FRMPD4: variants seen among roughly 807,000 people sequenced by gnomAD.
FRMPD4 encodes FERM and PDZ domain-containing protein 4.
Under a neutral mutation model 94.1 loss-of-function variants are expected in FRMPD4, and 22 were observed. The observed-to-expected ratio is 0.23, with a 90% CI of 0.17 to 0.33. The LOEUF (loss-of-function observed/expected upper bound fraction) is 0.33, where lower values mean the gene tolerates loss of function less well. FRMPD4 is among the 10% of genes least tolerant of loss of function. The probability of loss-of-function intolerance (pLI) is 1.00; values close to 1 mark genes in which losing one functional copy is unlikely to be tolerated. For missense variants in FRMPD4, 1,111 were observed against 1,339.9 expected, an observed-to-expected ratio of 0.83 and a Z score of 2.67; for synonymous variants, 631 against 548.6, an observed-to-expected ratio of 1.15 and a Z score of -2.10.
intron 3 of FRMPD4, among the ~76,000 whole-genome samples, chrX:11,902,679 G>C (rs1273368086): frequency 1.8e-5 from 2 of 111,273 alleles, no homozygotes; most frequent in Non-Finnish European, 3.8e-5. Flanking sequence ...ATTTGTCAAA[G>C]AACTCTCACT....
intron 3 of FRMPD4, among the ~76,000 whole-genome samples, chrX:11,986,661 A>G (rs769784259): frequency 1.8e-5 from 2 of 111,706 alleles, no homozygotes; most frequent in South Asian, 3.8e-4. Flanking sequence ...GATAAGTACA[A>G]TTGACAAACT....
chrX:12,121,671 C>A (rs929640785), intron 3 of FRMPD4, among the ~76,000 whole-genome samples: 8 of 111,676 alleles, frequency 7.2e-5, no homozygotes, highest in African/African-American at 2.6e-4. Context: ...GGATCACTCT[C>A]AAACTGACAC....
intron 3 of FRMPD4, among the ~76,000 whole-genome samples, chrX:12,024,270 C>T (rs186771665): frequency 6.9e-4 from 77 of 111,879 alleles, no homozygotes; most frequent in Middle Eastern, 9.2e-3. Context: ...ATGAATGTGT[C>T]ATGCATATAT....
intron 1 of FRMPD4, among the ~76,000 whole-genome samples, chrX:12,370,769 C>T (rs2056151765): frequency 8.9e-6 from 1 of 112,552 alleles, no homozygotes; most frequent in African/African-American, 3.2e-5. Context: ...TTTGTAAAAA[C>T]TGCTAGAACC....
chrX:12,035,768 A>G (rs2147437675), intron 3 of FRMPD4, among the ~76,000 whole-genome samples: 1 of 111,602 alleles, frequency 9.0e-6, no homozygotes, highest in African/African-American at 3.3e-5. Context: ...ACAAACCACA[A>G]GCCTCACGTT....
At chrX:12,179,628 T>A (rs1169174029) in intron 1 of FRMPD4, among the ~76,000 whole-genome samples, 1 of 111,526 alleles carries the variant, frequency 9.0e-6, no homozygotes, top group African/African-American at 3.3e-5. Context: ...GTGGGAGAAC[T>A]GGGCTTCATG....
chrX:12,274,837 G>A (rs1254469686), intron 1 of FRMPD4, among the ~76,000 whole-genome samples: 1 of 111,867 alleles, frequency 8.9e-6, no homozygotes, highest in Non-Finnish European at 1.9e-5. Flanking sequence ...GTGAAACCCC[G>A]TCTCTACTAA....
At chrX:12,057,821 CATACTTTGCT>C (rs1158615479) in intron 3 of FRMPD4, among the ~76,000 whole-genome samples, 1 of 111,816 alleles carries the variant, frequency 8.9e-6, no homozygotes, top group African/African-American at 3.2e-5. Flanking sequence ...TATCCATTCC[CATACTTTGCT>C]ATTATATAGA....
At position 12,224,935 on chromosome X, in the gene FRMPD4, T is replaced by C. The variant is rs1048424314; in HGVS notation, c.41+85923T>C. On this transcript the variant is annotated intron_variant, in intron 1 of 16. Coordinates refer to ENST00000675598, the MANE Select transcript of FRMPD4 (RefSeq NM_001368397.1). ...CCAGTTAGGAAATGTCCATTTCCAA[T>C]TTCTACAGGCCCTGTTGTACCAAAG... 7.1e-5 allele frequency among the ~76,000 whole-genome samples: 8 copies of C among 112,100 alleles called. No individual in the cohort carries two copies. The Middle Eastern group carries it at 0.014, about 194-fold the overall frequency.
rs756292239 is a variant in FRMPD4 at position 12,474,781 on chromosome X, T to C, written c.42-23899T>C. ...ACCAGGAAGAAGTTGAATCTCTCAATAGACCAACAACAGGCTCTGAAATTG... is the reference window on the plus strand; with the variant it reads ...ACCAGGAAGAAGTTGAATCTCTCAACAGACCAACAACAGGCTCTGAAATTG... On this transcript the variant is annotated intron_variant, in intron 1 of 16. Transcript: ENST00000675598. Among the ~76,000 whole-genome samples the C allele has an allele frequency of 1.1e-4, 12 of 111,556 alleles. No homozygotes were observed. The South Asian group carries it at 1.1e-3, about 11-fold the overall frequency.
At chrX:12,252,672 A>G (rs1569207123) in intron 1 of FRMPD4, among the ~76,000 whole-genome samples, 1 of 112,022 alleles carries the variant, frequency 8.9e-6, no homozygotes, top group Non-Finnish European at 1.9e-5. Flanking sequence ...ACATTCATGT[A>G]TGTGTTAATT....
chrX:12,621,308 T>G (rs952339002), intron 4 of FRMPD4, among the ~76,000 whole-genome samples: 1 of 109,332 alleles, frequency 9.1e-6, no homozygotes, highest in Non-Finnish European at 1.9e-5. Flanking sequence ...AGATACCAAC[T>G]CAAGGCTACA....
rs190175904 is a variant in FRMPD4 at position 12,496,360 on chromosome X, C to T, written c.42-2320C>T. Among the ~76,000 whole-genome samples the T allele has an allele frequency of 3.6e-3, 403 of 112,296 alleles. 5 individuals carry two copies. The highest frequency in any genetic ancestry group is 0.011 in the African/African-American group (354 of 30,908). ...ACTTGTTTCAATGCATTCACACCTACTCATGGATTTCTTGTTCTAATGCAG... is the reference window on the plus strand; with the variant it reads ...ACTTGTTTCAATGCATTCACACCTATTCATGGATTTCTTGTTCTAATGCAG... On this transcript the variant is annotated intron_variant, in intron 1 of 16. Coordinates refer to ENST00000675598, the MANE Select transcript of FRMPD4 (RefSeq NM_001368397.1).
intron 1 of FRMPD4, among the ~76,000 whole-genome samples, chrX:12,230,011 A>G (rs2056966444): frequency 9.0e-6 from 1 of 111,412 alleles, no homozygotes; most frequent in Non-Finnish European, 1.9e-5. Context: ...ATCCACTGGC[A>G]ATTCATCATC....
chrX:12,527,213 T>C (rs759691901), intron 2 of FRMPD4, among the ~76,000 whole-genome samples: 1 of 112,043 alleles, frequency 8.9e-6, no homozygotes. Flanking sequence ...ACATTCCTCA[T>C]AGTGCTTAAT....
intron 3 of FRMPD4, among the ~76,000 whole-genome samples, chrX:11,884,374 A>T (rs1049179934): frequency 8.9e-6 from 1 of 111,841 alleles, no homozygotes; most frequent in Non-Finnish European, 1.9e-5. Flanking sequence ...TTTTGGTTAC[A>T]CTCAGTTTTA....
intron 1 of FRMPD4, among the ~76,000 whole-genome samples, chrX:12,439,200 G>C (rs1169236995): frequency 9.0e-6 from 1 of 111,265 alleles, no homozygotes; most frequent in Non-Finnish European, 1.9e-5. Context: ...AGTGTATGCA[G>C]CCGTTGCCTC....
At chrX:12,589,777 A>G (rs891281458) in intron 2 of FRMPD4, among the ~76,000 whole-genome samples, 3 of 112,003 alleles carry the variant, frequency 2.7e-5, no homozygotes, top group African/African-American at 9.7e-5. Flanking sequence ...TCAGAAAAGG[A>G]GAGTTCGATT....
At chrX:11,840,647 C>A (rs2053529235) in intron 1 of FRMPD4, among the ~76,000 whole-genome samples, 1 of 109,837 alleles carries the variant, frequency 9.1e-6, no homozygotes, top group African/African-American at 3.3e-5. Flanking sequence ...TTAAAACTTT[C>A]AGTCTCTAAG....
Sources: allele counts gnomAD v4.1 joint callset (sites outside exome capture counted in the v4.1 genomes callset), GRCh38; gene constraint gnomAD v4.1.1; transcripts MANE v1.5; gene names NCBI Gene and HGNC (gene_info 2026-07-23, HGNC 2026-07-21).